Variants in ZNRF3 observed in about 807,000 individuals in gnomAD.
The protein encoded by ZNRF3 is zinc and ring finger 3.
Under a neutral mutation model 72.5 loss-of-function variants are expected in ZNRF3, and 23 were observed. The ratio of observed to expected loss-of-function variants is 0.32; its 90% CI spans 0.23 to 0.45. The LOEUF (loss-of-function observed/expected upper bound fraction) is 0.45, where lower values mean the gene tolerates loss of function less well. Among genes scored for constraint, ZNRF3 ranks in the 20% least tolerant of loss-of-function variants. The probability of loss-of-function intolerance (pLI) is 1.00; values close to 1 mark genes in which losing one functional copy is unlikely to be tolerated. For synonymous variants in ZNRF3, 610 were observed against 545.3 expected, an observed-to-expected ratio of 1.12 and a Z score of -1.65; for missense variants, 1,169 against 1,272.1, an observed-to-expected ratio of 0.92 and a Z score of 1.23.
At chr22:29,015,712 C>T (rs1180629482) in intron 2 of ZNRF3, among the ~76,000 whole-genome samples, 4 of 151,540 alleles carry the variant, frequency 2.6e-5, no homozygotes, top group African/African-American at 9.7e-5. Flanking sequence ...TTTCCCTCTC[C>T]CGTGGTTTTA....
At chr22:28,893,373 G>C (rs1458498124) in intron 1 of ZNRF3, among the ~76,000 whole-genome samples, 1 of 152,076 alleles carries the variant, frequency 6.6e-6, no homozygotes, top group Non-Finnish European at 1.5e-5. Flanking sequence ...TTATGCACCC[G>C]TGGTATAATT....
intron 2 of ZNRF3, chr22:29,024,976 CT>C (rs134554): frequency 0.34 from 36,695 of 108,916 alleles, 3,900 homozygotes; most frequent in Middle Eastern, 0.42. Context: ...CCCTGTGCTA[CT>C]TTTTTTTTTT....
At chr22:29,026,288 A>T (rs937462391) in intron 2 of ZNRF3, 1 of 152,144 alleles carries the variant, frequency 6.6e-6, no homozygotes, top group Non-Finnish European at 1.5e-5. Flanking sequence ...TGCTATGGCC[A>T]ATATCCCTTC....
chr22:28,993,125 G>A (rs945014987), intron 2 of ZNRF3, among the ~76,000 whole-genome samples: 1 of 152,210 alleles, frequency 6.6e-6, no homozygotes, highest in African/African-American at 2.4e-5. Flanking sequence ...AGCAGGTGTT[G>A]TAGAATCTGT....
At chr22:29,046,928 A>C in intron 6 of ZNRF3, 45 bp downstream of exon 6, 1 of 1,450,086 alleles carries the variant, frequency 6.9e-7, no homozygotes, top group East Asian at 2.5e-5. Context: ...AAACATAGGC[A>C]GGTCAGCAGA....
chr22:29,022,889 T>C (rs2036564583), intron 2 of ZNRF3, among the ~76,000 whole-genome samples: 1 of 152,202 alleles, frequency 6.6e-6, no homozygotes, highest in Non-Finnish European at 1.5e-5. Context: ...TATAAATGTA[T>C]GGGGTACAAG....
At chr22:28,995,280 A>C (rs1388009629) in intron 2 of ZNRF3, among the ~76,000 whole-genome samples, 1 of 152,128 alleles carries the variant, frequency 6.6e-6, no homozygotes. Context: ...AAAAATACAA[A>C]AAAATTAGCC....
At chr22:28,934,766 C>T (rs1395078849) in intron 1 of ZNRF3, among the ~76,000 whole-genome samples, 1 of 145,724 alleles carries the variant, frequency 6.9e-6, no homozygotes, top group Admixed American at 7.1e-5. Flanking sequence ...TGCAGTGAGC[C>T]GAGATAGTGC....
At chr22:29,041,477 C>T (rs2036960640) in intron 2 of ZNRF3, among the ~76,000 whole-genome samples, 1 of 152,096 alleles carries the variant, frequency 6.6e-6, no homozygotes, top group Non-Finnish European at 1.5e-5. Flanking sequence ...GAATCCTTCC[C>T]CCACCTCCCC....
chr22:29,015,717 G>T (rs1259868872), intron 2 of ZNRF3, among the ~76,000 whole-genome samples: 1 of 151,484 alleles, frequency 6.6e-6, no homozygotes, highest in Non-Finnish European at 1.5e-5. Context: ...CTCTCCCGTG[G>T]TTTTAGGAAG....
intron 1 of ZNRF3, among the ~76,000 whole-genome samples, chr22:28,884,292 C>G (rs1046868044): frequency 2.0e-5 from 3 of 152,088 alleles, no homozygotes; most frequent in African/African-American, 7.2e-5. Flanking sequence ...CCTGTGAACC[C>G]CGGGGCGGGA....
chr22:28,964,620 C>A (rs916089818), intron 1 of ZNRF3, among the ~76,000 whole-genome samples: 6 of 152,246 alleles, frequency 3.9e-5, no homozygotes, highest in African/African-American at 1.4e-4. Context: ...CTCCCACCCA[C>A]CTCCTATCTC....
intron 2 of ZNRF3, among the ~76,000 whole-genome samples, chr22:28,988,659 A>G (rs1295814343): frequency 6.6e-6 from 1 of 152,196 alleles, no homozygotes; most frequent in Admixed American, 6.5e-5. Context: ...TAGGAGAGCA[A>G]TGACCCCCTT....
At position 28,883,701 on chromosome 22, in the gene ZNRF3, G is replaced by T; in HGVS notation, c.-66G>T. ...GGCTGTGAGGCGTCCGCCCGCGTTC[G>T]GTCCTCAGCCGGCCCGCGACTATGC... On this transcript the variant is annotated 5_prime_UTR_variant, in exon 1 of 9. Coordinates refer to ENST00000544604, the MANE Select transcript of ZNRF3 (RefSeq NM_001206998.2). The surrounding 1 kb of genome is among the most constrained non-coding windows in gnomAD (Gnocchi z 5.5). 1 of 982,942 alleles carries T rather than the reference G, an allele frequency of 1.0e-6. No homozygotes were observed. Among genetic ancestry groups the T allele is most frequent in the South Asian group, 4.6e-5 (1 of 21,968 alleles). The allele number at this position is 982,942 out of a possible 1,614,324, so 60.9% of individuals were successfully genotyped here. A position where few individuals can be genotyped will look rare whatever the true frequency, so the allele number is the denominator to read the frequency against.
At chr22:29,010,369 T>C (rs997370940) in intron 2 of ZNRF3, among the ~76,000 whole-genome samples, 1 of 152,198 alleles carries the variant, frequency 6.6e-6, no homozygotes, top group Non-Finnish European at 1.5e-5. Context: ...TGTGACTGGC[T>C]TCTTTCACGT....
chr22:28,926,308 T>A (rs2034599368), intron 1 of ZNRF3, among the ~76,000 whole-genome samples: 1 of 152,140 alleles, frequency 6.6e-6, no homozygotes, highest in Non-Finnish European at 1.5e-5. Context: ...TTAAATTGAT[T>A]TGAAGAAAAA....
rs184268596 is a variant in ZNRF3, at chr22:29,043,767, A to C, written c.633+337A>C. Among the ~76,000 whole-genome samples the C allele has an allele frequency of 4.7e-3, 708 of 152,252 alleles. 7 individuals carry two copies. The highest frequency in any genetic ancestry group is 6.0e-3 in the Non-Finnish European group (405 of 68,010). ...CTGAGGAGGATTGAAGGGATGGGGCATCCAGCACCTGGCTTCCCGTGGCTT... is the reference window on the plus strand; with the variant it reads ...CTGAGGAGGATTGAAGGGATGGGGCCTCCAGCACCTGGCTTCCCGTGGCTT... On this transcript the variant is annotated intron_variant, in intron 4 of 8. Transcript: ENST00000544604.
chr22:29,010,575 TC>T (rs2036331943), intron 2 of ZNRF3, among the ~76,000 whole-genome samples: 1 of 152,226 alleles, frequency 6.6e-6, no homozygotes. Context: ...TGTATATTGA[TC>T]CCTTACCTGA....
intron 2 of ZNRF3, among the ~76,000 whole-genome samples, chr22:29,016,369 G>A (rs140013556): frequency 0.029 from 4,390 of 152,278 alleles, 108 homozygotes; most frequent in African/African-American, 0.068. Flanking sequence ...AGGCTTTGCT[G>A]GGGCAGGGGG....
Sources: gnomAD v4.1 joint callset for allele counts (sites outside exome capture counted in the v4.1 genomes callset) on GRCh38, gnomAD v4.1.1 for gene constraint, Gnocchi (gnomAD v3.1) non-coding constraint, MANE v1.5 for transcripts, NCBI Gene and HGNC (gene_info 2026-07-23, HGNC 2026-07-21) for gene names.